The following INSC variants were observed in gnomAD, a reference collection of about 807,000 sequenced individuals.
INSC encodes protein inscuteable homolog.
In INSC, 67 loss-of-function variants were observed where a neutral mutation model predicts 58.6. The ratio of observed to expected loss-of-function variants is 1.14; its 90% CI spans 0.94 to 1.40. The LOEUF (loss-of-function observed/expected upper bound fraction) is 1.40, where lower values mean the gene tolerates loss of function less well. INSC is among the 40% of genes most tolerant of loss of function. The pLI, the probability that INSC is intolerant of heterozygous loss-of-function variation, is 0.00. For missense variants in INSC, 714 were observed against 692.0 expected (o/e 1.03, Z -0.36); for synonymous variants, 262 against 276.1 (o/e 0.95, Z 0.51).
At chr11:15,137,767 A>G (rs112906892) in intron 1 of INSC, among the ~76,000 whole-genome samples, 137 of 152,240 alleles carry the variant, frequency 9.0e-4, no homozygotes, top group Non-Finnish European at 1.7e-3. Context: ...AACTTCCTCC[A>G]TATCAGAATA....
the INSC span, among the ~76,000 whole-genome samples, chr11:15,269,236 G>A: frequency 1.3e-5 from 2 of 151,870 alleles, no homozygotes; most frequent in Non-Finnish European, 2.9e-5. Flanking sequence ...TTTGGAATGG[G>A]TACTTTGATT....
At chr11:15,215,710 T>C (rs1224568966) in intron 7 of INSC, among the ~76,000 whole-genome samples, 1 of 152,176 alleles carries the variant, frequency 6.6e-6, no homozygotes, top group East Asian at 1.9e-4. Flanking sequence ...CCTGAGTGGC[T>C]CAAATCTGCT....
chr11:15,232,512 G>T lies in INSC; in HGVS notation c.1171-3090G>T, dbSNP rs149181798. On this transcript the variant is annotated intron_variant, in intron 9 of 12. Coordinates refer to ENST00000379556, the MANE Select transcript of INSC (RefSeq NM_001042536.3). ...GGCTTCAAGTGATCCTCCTGCCTCA[G>T]CCTGTGGAGAAGCTGGGATTAAAGG... is the stretch of plus-strand genomic sequence containing the variant. Among the ~76,000 whole-genome samples, 95 of 152,310 alleles carry T rather than the reference G, an allele frequency of 6.2e-4. No homozygotes were observed. The East Asian group carries it at 0.017, about 27-fold the overall frequency.
At chr11:15,221,748 C>A in intron 8 of INSC, 100 bp downstream of exon 8, 1 of 1,041,140 alleles carries the variant, frequency 9.6e-7, no homozygotes, top group East Asian at 2.6e-5. Flanking sequence ...ACTCATTGCA[C>A]CCCAAATATC....
At chr11:15,209,686 C>T (rs917791187) in intron 7 of INSC, among the ~76,000 whole-genome samples, 6 of 151,994 alleles carry the variant, frequency 3.9e-5, no homozygotes, top group Non-Finnish European at 7.3e-5. Flanking sequence ...GCTATGAAAC[C>T]AAATAAATAC....
chr11:15,144,075 A>T (rs189037314), intron 1 of INSC, among the ~76,000 whole-genome samples: 1 of 152,146 alleles, frequency 6.6e-6, no homozygotes, highest in Non-Finnish European at 1.5e-5. Flanking sequence ...GTGGCACCTA[A>T]GTCATGTGTT....
intron 9 of INSC, among the ~76,000 whole-genome samples, chr11:15,233,721 T>C (rs1176563307): frequency 6.7e-6 from 1 of 148,556 alleles, no homozygotes; most frequent in Non-Finnish European, 1.5e-5. Flanking sequence ...TTACCTCCCT[T>C]CCTCCCTCCT....
intron 2 of INSC, among the ~76,000 whole-genome samples, chr11:15,173,335 A>C (rs1053534044): frequency 6.6e-6 from 1 of 152,216 alleles, no homozygotes; most frequent in African/African-American, 2.4e-5. Flanking sequence ...ATATACTTAG[A>C]TAAAAGTCTG....
chr11:15,119,802 C>T (rs750515832), intron 1 of INSC, among the ~76,000 whole-genome samples: 21 of 152,188 alleles, frequency 1.4e-4, no homozygotes, highest in African/African-American at 2.7e-4. Context: ...AAAGAGTGCA[C>T]GGGCTTTGCA....
chr11:15,229,333 G>A (rs1041095138), intron 9 of INSC, among the ~76,000 whole-genome samples: 1 of 152,098 alleles, frequency 6.6e-6, no homozygotes, highest in African/African-American at 2.4e-5. Context: ...ATTTATCAGG[G>A]AATGCCAGTC....
chr11:15,154,578 CTCA>C (rs1848748702), intron 2 of INSC, among the ~76,000 whole-genome samples: 1 of 152,160 alleles, frequency 6.6e-6, no homozygotes. Context: ...AGTTTGCAAT[CTCA>C]TCATCAAATC....
Position 15,225,783 on chromosome 11 carries a change from C to T in INSC, c.1125C>T (p.Ala375=). ...ATGCCATCCGTGTTCTCCTGGAAGCCTGCAGTGACAAGCAGAGAGTGGACA... is the reference window on the plus strand; with the variant it reads ...ATGCCATCCGTGTTCTCCTGGAAGCTTGCAGTGACAAGCAGAGAGTGGACA... The part of the protein sequence containing the change: ...QLNAIRVLLE[A]CSDKQRVDTP... Residue 375 remains alanine, a synonymous_variant, in exon 9 of 13, where the codon GCC becomes GCT. Coordinates refer to ENST00000379556, the MANE Select transcript of INSC (RefSeq NM_001042536.3). The T allele has an allele frequency of 1.2e-6, 2 of 1,613,956 alleles. No homozygotes were observed. The highest frequency in any genetic ancestry group is 1.7e-6 in the Non-Finnish European group (2 of 1,179,922).
In INSC at chr11:15,141,654, C is replaced by A. The variant is rs548453330; in HGVS notation, c.-45-7476C>A. On this transcript the variant is annotated intron_variant, in intron 1 of 12. Coordinates refer to ENST00000379556, the MANE Select transcript of INSC (RefSeq NM_001042536.3). ...CTGGGAACGAGGGGTGTTAAAGTAT[C>A]TGATTGCTGCAGGATGCCAGCCACC... 1.5e-4 allele frequency among the ~76,000 whole-genome samples: 23 copies of A among 152,222 alleles called. No individual in the cohort carries two copies. In the South Asian group the frequency reaches 4.8e-3, roughly 32 times the overall value.
At chr11:15,254,737 G>A in the INSC span, among the ~76,000 whole-genome samples, 1 of 152,170 alleles carries the variant, frequency 6.6e-6, no homozygotes, top group African/African-American at 2.4e-5. Context: ...AGGTTGCCTG[G>A]TCCTGCTTGA....
At chr11:15,199,356 T>G (rs1201446269) in intron 6 of INSC, among the ~76,000 whole-genome samples, 1 of 152,110 alleles carries the variant, frequency 6.6e-6, no homozygotes, top group Non-Finnish European at 1.5e-5. Context: ...TCCTCCAGAG[T>G]TGGATATCTT....
Position 15,225,693 on chromosome 11 carries a change from C to T in INSC, c.1035C>T (p.Ala345=). The change falls in exon 9 of 13, where the codon GCC becomes GCT. Residue 345 remains alanine, a synonymous_variant. Transcript: ENST00000379556. ...EASSGEVFLL[A]SAALANITFF... is the part of the protein sequence containing the mutation. Reference sequence around the variant, plus strand: ...CATCAGGGGAAGTCTTCCTACTGGCCTCTGCGGCCCTTGCCAACATCACGT... The same window carrying T: ...CATCAGGGGAAGTCTTCCTACTGGCTTCTGCGGCCCTTGCCAACATCACGT... 6.2e-7 allele frequency: 1 copy of T among 1,614,202 alleles called. No homozygotes were observed. Among genetic ancestry groups the T allele is most frequent in the Non-Finnish European group, 8.5e-7 (1 of 1,180,024 alleles).
At chr11:15,239,526 T>C (rs754589804) in intron 11 of INSC, among the ~76,000 whole-genome samples, 48 of 152,316 alleles carry the variant, frequency 3.2e-4, no homozygotes, top group South Asian at 8.3e-4. Context: ...TGCTCATTCA[T>C]TCAGTCACTT....
intron 10 of INSC, 71 bp from the exon 11 acceptor site, chr11:15,238,848 C>T: frequency 2.0e-6 from 3 of 1,510,352 alleles, no homozygotes; most frequent in Non-Finnish European, 2.7e-6. Context: ...CTGCAGCCAT[C>T]TGTCCAGCTG....
At chr11:15,226,931 A>C (rs1210786234) in intron 9 of INSC, among the ~76,000 whole-genome samples, 3 of 152,152 alleles carry the variant, frequency 2.0e-5, no homozygotes, top group Non-Finnish European at 4.4e-5. Context: ...AAGTTCCCCA[A>C]ACTTTGTCAG....
Sources: allele counts gnomAD v4.1 joint callset (sites outside exome capture counted in the v4.1 genomes callset), GRCh38; gene constraint gnomAD v4.1.1; transcripts MANE v1.5; gene names NCBI Gene and HGNC (gene_info 2026-07-23, HGNC 2026-07-21).